SMURF2: variants seen among roughly 807,000 people sequenced by gnomAD.
The protein encoded by SMURF2 is E3 ubiquitin-protein ligase SMURF2.
SMURF2 carries 48 observed loss-of-function variants against 109.6 expected under a neutral mutation model. The ratio of observed to expected loss-of-function variants is 0.44; its 90% CI spans 0.35 to 0.56. SMURF2 has a LOEUF of 0.56. Among genes scored for constraint, SMURF2 ranks in the 20% least tolerant of loss-of-function variants. The pLI is 0.01. For missense variants in SMURF2, 575 were observed against 909.0 expected (o/e 0.63, Z 4.72); for synonymous variants, 288 against 317.1 (o/e 0.91, Z 0.97).
intron 1 of SMURF2, among the ~76,000 whole-genome samples, chr17:64,633,777 C>G (rs1437377621): frequency 6.6e-6 from 1 of 151,950 alleles, no homozygotes; most frequent in African/African-American, 2.4e-5. Context: ...TAAACACAGG[C>G]AACTACCAAG....
At chr17:64,657,531 G>GA (rs534124509) in intron 1 of SMURF2, among the ~76,000 whole-genome samples, 1,640 of 134,772 alleles carry the variant, frequency 0.012, 21 homozygotes, top group African/African-American at 0.036. Flanking sequence ...ATCTGTACTG[G>GA]AAAAAAAAAA....
intron 1 of SMURF2, among the ~76,000 whole-genome samples, chr17:64,629,529 G>C (rs1555691423): frequency 6.6e-6 from 1 of 152,074 alleles, no homozygotes; most frequent in East Asian, 1.9e-4. Flanking sequence ...AGAAGGAAAA[G>C]TATCTGCTTC....
chr17:64,567,886 G>A lies in SMURF2; in HGVS notation c.1016+3912C>T, dbSNP rs144497133. 4.3e-3 allele frequency among the ~76,000 whole-genome samples: 559 copies of A among 129,600 alleles called. 8 individuals are homozygous for A. Among genetic ancestry groups the A allele is most frequent in the Admixed American group, 0.041 (450 of 11,110 alleles). 85.0% of individuals were successfully genotyped at this position (129,600 alleles called of 152,430 possible). A position where few individuals can be genotyped will look rare whatever the true frequency, so the allele number is the denominator to read the frequency against. On this transcript the variant is annotated intron_variant, in intron 10 of 18. Transcript: ENST00000262435. ...TTTTTTTTTTTTGAGACGGAGTTTC[G>A]CTCTATTGCCAGGCTGGAGTGCAGT...
Position 64,563,757 on chromosome 17 carries a change from G to A in SMURF2, c.1017-791C>T, listed in dbSNP as rs147309202. 1.8e-3 allele frequency among the ~76,000 whole-genome samples: 271 copies of A among 152,256 alleles called. 1 individual carries two copies. Among genetic ancestry groups the A allele is most frequent in the Middle Eastern group, 3.4e-3 (1 of 294 alleles). ...AGCACAATCCATGAAAGAACAAATG[G>A]ATAAACAGAACATCCATTTTTAAAT... On this transcript the variant is annotated intron_variant, in intron 10 of 18. Transcript: ENST00000262435.
intron 10 of SMURF2, among the ~76,000 whole-genome samples, chr17:64,565,921 GTTAT>G (rs1175951951): frequency 6.6e-6 from 1 of 150,476 alleles, no homozygotes; most frequent in African/African-American, 2.4e-5. Context: ...CCTTGGCAAA[GTTAT>G]TTATTAAACC....
intron 16 of SMURF2, among the ~76,000 whole-genome samples, chr17:64,549,262 CAA>C (rs577973821): frequency 0.064 from 2,641 of 41,372 alleles, 23 homozygotes; most frequent in Admixed American, 0.13. Flanking sequence ...ACTGTGTCTC[CAA>C]AAAAAAAAAA....
At chr17:64,602,015 GAAAT>G (rs576037980) in intron 2 of SMURF2, among the ~76,000 whole-genome samples, 21 of 151,348 alleles carry the variant, frequency 1.4e-4, no homozygotes, top group Non-Finnish European at 2.9e-4. Context: ...CCATTAAAAA[GAAAT>G]AATCACAGCA....
chr17:64,564,624 G>T (rs549185341), intron 10 of SMURF2, among the ~76,000 whole-genome samples: 2 of 152,288 alleles, frequency 1.3e-5, no homozygotes, highest in East Asian at 3.9e-4. Flanking sequence ...ATACATACAG[G>T]AAAGAAGACT....
intron 1 of SMURF2, among the ~76,000 whole-genome samples, chr17:64,652,047 A>G (rs1315923609): frequency 6.6e-6 from 1 of 152,228 alleles, no homozygotes; most frequent in Non-Finnish European, 1.5e-5. Flanking sequence ...TTTTCCAAAA[A>G]CATGACTGAT....
chr17:64,604,846 A>G (rs1303956803), intron 2 of SMURF2, among the ~76,000 whole-genome samples: 1 of 151,990 alleles, frequency 6.6e-6, no homozygotes, highest in Admixed American at 6.6e-5. Context: ...CAGGAGGCTG[A>G]GGCAGGAGAA....
chr17:64,650,657 C>T (rs1312699267), intron 1 of SMURF2, among the ~76,000 whole-genome samples: 1 of 151,470 alleles, frequency 6.6e-6, no homozygotes, highest in East Asian at 2.0e-4. Flanking sequence ...ATGGTGAAAC[C>T]TCATGCCTAC....
chr17:64,615,552 T>C (rs1441185624), intron 1 of SMURF2, among the ~76,000 whole-genome samples: 3 of 152,214 alleles, frequency 2.0e-5, no homozygotes, highest in Non-Finnish European at 2.9e-5. Context: ...AAACAGCCTC[T>C]ATCTCAACCC....
intron 12 of SMURF2, among the ~76,000 whole-genome samples, chr17:64,560,048 G>A (rs1555684398): frequency 6.6e-6 from 1 of 151,242 alleles, no homozygotes; most frequent in African/African-American, 2.4e-5. Context: ...CACTGCACCT[G>A]GCCAAATTTT....
rs782462136 is a variant in SMURF2 at position 64,580,989 on chromosome 17, G to A, written c.572C>T (p.Pro191Leu). 8.1e-6 allele frequency: 13 copies of A among 1,613,746 alleles called. No individual in the cohort carries two copies. The highest frequency in any genetic ancestry group is 1.7e-5 in the Admixed American group (1 of 59,986). ...RTTQWERPTR[P>L]ASEYSSPGRP... ...GCCAGGGCTAGAATATTCGGATGCCGGTCTATTGAAAATTAACAAGGAAAA... is the reference window on the plus strand; with the variant it reads ...GCCAGGGCTAGAATATTCGGATGCCAGTCTATTGAAAATTAACAAGGAAAA... Residue 191 changes from proline (P) to leucine (L), a missense_variant and splice_region_variant, in exon 8 of 19, where the codon CCG becomes CTG. This residue lies in a region of SMURF2 where 151 missense variants were observed against 178.4 expected (regional missense o/e 0.85). Coordinates refer to ENST00000262435, the MANE Select transcript of SMURF2 (RefSeq NM_022739.4).
chr17:64,614,791 C>T (rs1970099329), intron 1 of SMURF2, among the ~76,000 whole-genome samples: 1 of 152,240 alleles, frequency 6.6e-6, no homozygotes, highest in Non-Finnish European at 1.5e-5. Context: ...ATGACAGTTT[C>T]TGCAGATACA....
chr17:64,637,923 C>CAAAAAAAAAAAAAAAAAAAAAAAAAA lies in SMURF2; in HGVS notation c.52+23905_52+23906insTTTTTTTTTTTTTTTTTTTTTTTTTT, dbSNP rs59701513. Among the ~76,000 whole-genome samples, 218 of 72,524 alleles carry CAAAAAAAAAAAAAAAAAAAAAAAAAA rather than the reference C, an allele frequency of 3.0e-3. 16 individuals carry two copies. Among genetic ancestry groups the CAAAAAAAAAAAAAAAAAAAAAAAAAA allele is most frequent in the African/African-American group, 6.5e-3 (157 of 24,298 alleles). 47.6% of individuals were successfully genotyped at this position (72,524 alleles called of 152,430 possible). ...CATTGAATGGTTTTGGCGCCCTAGT[C>CAAAAAAAAAAAAAAAAAAAAAAAAAA]AAAAAAAAAAAAAAAAAAAATCAAC... On this transcript the variant is annotated intron_variant, in intron 1 of 18. Coordinates refer to ENST00000262435, the MANE Select transcript of SMURF2 (RefSeq NM_022739.4).
chr17:64,573,125 AGAGGAGGAGGAG>A (rs372553868), intron 9 of SMURF2: 727 of 42,188 alleles, frequency 0.017, 24 homozygotes, highest in African/African-American at 0.044. Flanking sequence ...ATTAAAAAAA[AGAGGAGGAGGAG>A]GAGGAGGAGG....
chr17:64,555,349 T>C (rs1313545915), intron 14 of SMURF2, among the ~76,000 whole-genome samples: 3 of 152,230 alleles, frequency 2.0e-5, no homozygotes, highest in Admixed American at 2.0e-4. Flanking sequence ...AGAAAGCTAC[T>C]GTATACTTTA....
chr17:64,662,042 C>T lies in SMURF2; in HGVS notation c.-162G>A. ...TGCCGAGAGTCGTCGCCATGAGCCG[C>T]GGAGGGAGCGGGACGCCGAGCTCCC... is the stretch of plus-strand genomic sequence containing the variant. On this transcript the variant is annotated 5_prime_UTR_variant, in exon 1 of 19. Coordinates refer to ENST00000262435, the MANE Select transcript of SMURF2 (RefSeq NM_022739.4). The T allele has an allele frequency of 9.9e-6, 11 of 1,112,502 alleles. No individual in the cohort carries two copies. The highest frequency in any genetic ancestry group is 1.2e-5 in the Non-Finnish European group (11 of 911,774). 68.9% of individuals were successfully genotyped at this position (1,112,502 alleles called of 1,614,324 possible).
Sources: allele counts gnomAD v4.1 joint callset (sites outside exome capture counted in the v4.1 genomes callset), GRCh38; gene constraint gnomAD v4.1.1; regional missense constraint gnomAD v4.1.1; transcripts MANE v1.5; gene names NCBI Gene and HGNC (gene_info 2026-07-23, HGNC 2026-07-21).